Variants in KLK13 observed in about 807,000 individuals in gnomAD.
KLK13 encodes kallikrein related peptidase 13, also known as kallikrein-13.
A neutral mutation model predicts 22.4 loss-of-function variants in KLK13; 19 were observed. The ratio of observed to expected loss-of-function variants is 0.85; its 90% CI spans 0.59 to 1.24. KLK13 has a LOEUF of 1.24. Ranked by LOEUF, KLK13 falls within the 50% of genes most tolerant of loss-of-function variation. The pLI is 0.00. For synonymous variants in KLK13, 156 were observed against 141.8 expected (o/e 1.10, Z -0.71); for missense variants, 311 against 347.9 (o/e 0.89, Z 0.84).
intron 4 of KLK13, among the ~76,000 whole-genome samples, chr19:51,057,192 A>C (rs951241407): frequency 1.1e-4 from 17 of 152,080 alleles, no homozygotes; most frequent in African/African-American, 3.9e-4. Context: ...TGTGTCTCTC[A>C]CTATTGAGTG....
chr19:51,062,583 CTGTGTCTGGCATT>C (rs1171730295), intron 1 of KLK13, among the ~76,000 whole-genome samples: 6 of 152,172 alleles, frequency 3.9e-5, no homozygotes, highest in Admixed American at 6.5e-5. Context: ...GTGCCAGGCA[CTGTGTCTGGCATT>C]GAAAGCACAG....
intron 1 of KLK13, among the ~76,000 whole-genome samples, chr19:51,060,937 C>T (rs938349135): frequency 1.3e-5 from 2 of 152,086 alleles, no homozygotes; most frequent in Admixed American, 1.3e-4. Context: ...ATCATTCTAC[C>T]AGAAGATGGA....
chr19:51,056,575 AT>A lies in KLK13; in HGVS notation c.*11del. ...ATGGTGACAGGATGGAAGCCGGTAC[AT>A]TTCTCAACTTTTATTGTGGGCCCTT... On this transcript the variant is annotated 3_prime_UTR_variant, in exon 5 of 5. Coordinates refer to ENST00000595793, the MANE Select transcript of KLK13 (RefSeq NM_015596.3). The A allele has an allele frequency of 6.2e-7, 1 of 1,613,812 alleles. No individual in the cohort carries two copies. The highest frequency in any genetic ancestry group is 8.5e-7 in the Non-Finnish European group (1 of 1,179,742).
chr19:51,057,183 G>A (rs1378293068), intron 4 of KLK13, among the ~76,000 whole-genome samples: 1 of 152,228 alleles, frequency 6.6e-6, no homozygotes, highest in Admixed American at 6.5e-5. Context: ...AGGCTCATTT[G>A]TGTCTCTCAC....
chr19:51,056,698 T>C lies in KLK13; in HGVS notation c.723A>G (p.Gln241=). ...IVSWGDFPCG[Q]PDRPGVYTRV... ...GGGTGTAGACACCAGGCCGGTCAGGTTGCCCACATGGGAAGTCTCCCCAGG... is the reference window on the plus strand; with the variant it reads ...GGGTGTAGACACCAGGCCGGTCAGGCTGCCCACATGGGAAGTCTCCCCAGG... Residue 241 remains glutamine, a synonymous_variant, in exon 5 of 5, where the codon CAA becomes CAG. Coordinates refer to ENST00000595793, the MANE Select transcript of KLK13 (RefSeq NM_015596.3). The C allele has an allele frequency of 6.2e-7, 1 of 1,614,140 alleles. No individual in the cohort carries two copies. The highest frequency in any genetic ancestry group is 8.5e-7 in the Non-Finnish European group (1 of 1,180,016).
intron 1 of KLK13, among the ~76,000 whole-genome samples, chr19:51,063,000 G>T (rs1330813329): frequency 6.6e-6 from 1 of 152,082 alleles, no homozygotes; most frequent in Admixed American, 6.6e-5. Flanking sequence ...ACGTTAAATC[G>T]CACACTCAGA....
intron 1 of KLK13, chr19:51,064,588 G>A (rs776871170): frequency 2.0e-6 from 1 of 509,826 alleles, no homozygotes; most frequent in Non-Finnish European, 3.9e-6. Flanking sequence ...CTGAAGGCTC[G>A]ACGCATTACC....
At position 51,056,761 on chromosome 19, in the gene KLK13, GC is replaced by G; in HGVS notation, c.659del (p.Gly220AlafsTer54). ...GKDSCEGDSG[G>X]PLVCNRTLYG... ...ACAGTGTTCTGTTACAGACCAGGGG[GC>G]CCCCAGAGTCACCCTGAGTTGGGGA... is the stretch of plus-strand genomic sequence containing the variant. On this transcript the variant is annotated frameshift_variant, in exon 5 of 5. Coordinates refer to ENST00000595793, the MANE Select transcript of KLK13 (RefSeq NM_015596.3). LOFTEE classifies it low-confidence loss of function (END_TRUNC). The G allele has an allele frequency of 6.2e-7, 1 of 1,613,248 alleles. No individual in the cohort carries two copies.
Position 51,060,620 on chromosome 19 carries a change from C to T in KLK13, c.53-1G>A, listed in dbSNP as rs771460290. 1 of 1,585,154 alleles carries T rather than the reference C, an allele frequency of 6.3e-7. No homozygotes were observed. Among genetic ancestry groups the T allele is most frequent in the South Asian group, 1.1e-5 (1 of 88,378 alleles). On this transcript the variant is annotated splice_acceptor_variant, in intron 1 of 4. Transcript: ENST00000595793. LOFTEE classifies it high-confidence loss of function. ...ACCTTGGAAGACTCCTGGGAGACAC[C>T]TGGTAAAGAAGAGAGATTGTTAGAA...
intron 4 of KLK13, among the ~76,000 whole-genome samples, chr19:51,058,270 C>T (rs1235563186): frequency 1.3e-5 from 2 of 152,218 alleles, no homozygotes; most frequent in Non-Finnish European, 2.9e-5. Flanking sequence ...AGTTGGTTGT[C>T]TATCACTCAC....
intron 4 of KLK13, among the ~76,000 whole-genome samples, chr19:51,057,795 AAC>A (rs67669820): frequency 0.087 from 13,161 of 152,126 alleles, 715 homozygotes; most frequent in African/African-American, 0.16. Context: ...TTATTTTGGT[AAC>A]AGCCTCTCCT....
In KLK13 at chr19:51,056,598, C is replaced by T. The variant is rs1169532427; in HGVS notation, c.823G>A (p.Gly275Ser). The T allele has an allele frequency of 1.9e-6, 3 of 1,613,994 alleles. No individual in the cohort carries two copies. Among genetic ancestry groups the T allele is most frequent in the Admixed American group, 1.7e-5 (1 of 59,996 alleles). Residue 275 changes from glycine to serine, a missense_variant, in exon 5 of 5, where the codon GGC (glycine) becomes AGC (serine). By Grantham distance (56) the Gly-to-Ser change is moderately conservative. Transcript: ENST00000595793. The part of the protein sequence containing the change: ...YETQQQKWLK[G>S]PQ Reference sequence around the variant, plus strand: ...ACATTTCTCAACTTTTATTGTGGGCCCTTCAACCATTTTTGCTGCTGGGTT... The same window carrying T: ...ACATTTCTCAACTTTTATTGTGGGCTCTTCAACCATTTTTGCTGCTGGGTT...
At position 51,059,835 on chromosome 19, in the gene KLK13, G is replaced by T. The variant is rs1453719721; in HGVS notation, c.498C>A (p.Thr166=). 1.2e-6 allele frequency: 2 copies of T among 1,601,830 alleles called. No individual in the cohort carries two copies. Among genetic ancestry groups the T allele is most frequent in the Middle Eastern group, 1.7e-4 (1 of 5,932 alleles). The change falls in exon 3 of 5, where the codon ACC becomes ACA. Residue 166 remains threonine, a synonymous_variant. Coordinates refer to ENST00000595793, the MANE Select transcript of KLK13 (RefSeq NM_015596.3). ...TGTGTGGGTGCATACCCTGGGGGCTGGTGGTGGTGCCCCAGCCAGACACCC... is the reference window on the plus strand; with the variant it reads ...TGTGTGGGTGCATACCCTGGGGGCTTGTGGTGGTGCCCCAGCCAGACACCC... ...TCRVSGWGTT[T]SPQVNYPKTL... is the part of the protein sequence containing the mutation.
At chr19:51,064,963 C>G (rs2091768031) in intron 1 of KLK13, 53 bp downstream of exon 1, 1 of 1,504,960 alleles carries the variant, frequency 6.6e-7, no homozygotes, top group Non-Finnish European at 9.0e-7. Context: ...GGCCTGACCC[C>G]TCCTACCATT....
At chr19:51,057,929 C>T (rs1223723551) in intron 4 of KLK13, among the ~76,000 whole-genome samples, 1 of 152,212 alleles carries the variant, frequency 6.6e-6, no homozygotes, top group Non-Finnish European at 1.5e-5. Context: ...AATCCCACAG[C>T]TCTGGTGGAG....
chr19:51,063,495 A>G (rs191726730), intron 1 of KLK13: 31 of 354,546 alleles, frequency 8.7e-5, no homozygotes, highest in Middle Eastern at 1.0e-3. Context: ...ATTCTGACTC[A>G]GGCATCGCCG....
intron 3 of KLK13, 140 bp downstream of exon 3, chr19:51,059,685 C>A: frequency 2.1e-6 from 1 of 471,430 alleles, no homozygotes; most frequent in Non-Finnish European, 3.3e-6. Context: ...AAGGATACAG[C>A]TAACTTTAAA....
chr19:51,058,592 G>A lies in KLK13; in HGVS notation c.591C>T (p.Ile197=), dbSNP rs777354493. Reference sequence around the variant, plus strand: ...TGCCGGCACACAACATGTTGTCAGTGATCTTTCCTGGGTAGACTTGACGAC... The same window carrying A: ...TGCCGGCACACAACATGTTGTCAGTAATCTTTCCTGGGTAGACTTGACGAC... ...EECRQVYPGK[I]TDNMLCAGTK... Residue 197 remains isoleucine, a synonymous_variant, in exon 4 of 5, where the codon ATC becomes ATT. Coordinates refer to ENST00000595793, the MANE Select transcript of KLK13 (RefSeq NM_015596.3). 3.2e-5 allele frequency: 51 copies of A among 1,614,040 alleles called. No homozygotes were observed. The highest frequency in any genetic ancestry group is 8.9e-5 in the East Asian group (4 of 44,900).
At chr19:51,064,487 CAAAA>C (rs35554667) in intron 1 of KLK13, 2,382 of 157,568 alleles carry the variant, frequency 0.015, no homozygotes, top group South Asian at 0.021. Context: ...GGTTCCATCT[CAAAA>C]AAAAAAAAAA....
Sources: gnomAD v4.1 joint callset for allele counts (sites outside exome capture counted in the v4.1 genomes callset) on GRCh38, gnomAD v4.1.1 for gene constraint, MANE v1.5 for transcripts, NCBI Gene and HGNC (gene_info 2026-07-23, HGNC 2026-07-21) for gene names.